PLCG2: variants seen among roughly 807,000 people sequenced by gnomAD.
The protein encoded by PLCG2 is 1-phosphatidylinositol 4,5-bisphosphate phosphodiesterase gamma-2.
In PLCG2, 69 loss-of-function variants were observed where a neutral mutation model predicts 175.6. That is an observed-to-expected ratio of 0.39 (90% CI 0.32 to 0.48). PLCG2 has a LOEUF of 0.48. Ranked by LOEUF, PLCG2 falls within the 20% of genes least tolerant of loss-of-function variation. The pLI is 0.91. For missense variants in PLCG2, 1,798 were observed against 1,650.9 expected, an observed-to-expected ratio of 1.09 and a Z score of -1.54; for synonymous variants, 827 against 624.0, an observed-to-expected ratio of 1.33 and a Z score of -4.85.
chr16:81,807,903 A>C (rs1904288997), intron 2 of PLCG2, among the ~76,000 whole-genome samples: 1 of 152,162 alleles, frequency 6.6e-6, no homozygotes, highest in South Asian at 2.1e-4. Context: ...AACTCACTGA[A>C]TATTGCAAGG....
intron 2 of PLCG2, among the ~76,000 whole-genome samples, chr16:81,756,637 G>A (rs1182485207): frequency 6.6e-6 from 1 of 152,184 alleles, no homozygotes; most frequent in Non-Finnish European, 1.5e-5. Context: ...GAGGTACCAG[G>A]TCCCAAGTGA....
chr16:81,825,584 C>G (rs960306079), intron 2 of PLCG2, among the ~76,000 whole-genome samples: 2 of 151,988 alleles, frequency 1.3e-5, no homozygotes, highest in East Asian at 1.9e-4. Flanking sequence ...CGTGAGCCAC[C>G]GCGCCCAGCC....
intron 31 of PLCG2, among the ~76,000 whole-genome samples, chr16:81,949,515 C>T (rs151180912): frequency 1.3e-5 from 2 of 152,192 alleles, no homozygotes; most frequent in East Asian, 1.9e-4. Flanking sequence ...GTGTCCAGCC[C>T]CCGACATGTC....
At chr16:81,739,890 C>T (rs1013416151) in intron 1 of PLCG2, among the ~76,000 whole-genome samples, 4 of 152,310 alleles carry the variant, frequency 2.6e-5, no homozygotes, top group Non-Finnish European at 5.9e-5. Flanking sequence ...GTAATCCCAG[C>T]GCTTTGGGAG....
At chr16:81,780,269 G>T (rs982657698) in intron 1 of PLCG2, among the ~76,000 whole-genome samples, 6 of 152,178 alleles carry the variant, frequency 3.9e-5, no homozygotes, top group Admixed American at 3.9e-4. Flanking sequence ...ACCTTTTTGA[G>T]TCTGTTTCCC....
chr16:81,901,136 C>G (rs1166363337), intron 14 of PLCG2, among the ~76,000 whole-genome samples: 1 of 152,126 alleles, frequency 6.6e-6, no homozygotes, highest in African/African-American at 2.4e-5. Flanking sequence ...GTGAACCTTC[C>G]CCATCCTCTC....
At chr16:81,797,507 T>A (rs1361254960) in intron 2 of PLCG2, among the ~76,000 whole-genome samples, 2 of 152,318 alleles carry the variant, frequency 1.3e-5, no homozygotes, top group Non-Finnish European at 2.9e-5. Flanking sequence ...ACCCACAGAC[T>A]AAGAGTGCTG....
At chr16:81,910,798 T>G in intron 18 of PLCG2, 78 bp downstream of exon 18, 1 of 1,371,272 alleles carries the variant, frequency 7.3e-7, no homozygotes, top group Non-Finnish European at 1.0e-6. Context: ...GCCTGGTGGT[T>G]CAGCCGGGCC....
intron 9 of PLCG2, among the ~76,000 whole-genome samples, chr16:81,888,857 A>G (rs1908497722): frequency 6.6e-6 from 1 of 152,252 alleles, no homozygotes; most frequent in African/African-American, 2.4e-5. Context: ...TTGTTGGAAT[A>G]CAACCATGCC....
At chr16:81,758,343 T>A (rs1205082010) in intron 2 of PLCG2, among the ~76,000 whole-genome samples, 1 of 152,236 alleles carries the variant, frequency 6.6e-6, no homozygotes, top group African/African-American at 2.4e-5. Context: ...CGTTTCTTTT[T>A]ATTGCTGAGT....
intron 15 of PLCG2, 64 bp from the exon 16 acceptor site, chr16:81,907,621 C>G: frequency 1.7e-6 from 2 of 1,178,402 alleles, no homozygotes; most frequent in Middle Eastern, 1.9e-4. Context: ...CTGCAGGGCT[C>G]CTGGGCTCCA....
chr16:81,748,770 G>A (rs764425866), intron 1 of PLCG2, among the ~76,000 whole-genome samples: 1 of 152,230 alleles, frequency 6.6e-6, no homozygotes, highest in Non-Finnish European at 1.5e-5. Flanking sequence ...AGGAAAGCCA[G>A]TGACTTTCAT....
Position 81,958,311 on chromosome 16 carries a change from T to C in PLCG2, c.*313T>C. ...AAACCTTGATCAATTAAGCCTTCTGTTGCACGACCTGTGCAGTGAACAGGA... is the reference window on the plus strand; with the variant it reads ...AAACCTTGATCAATTAAGCCTTCTGCTGCACGACCTGTGCAGTGAACAGGA... On this transcript the variant is annotated 3_prime_UTR_variant, in exon 33 of 33. Coordinates refer to ENST00000564138, the MANE Select transcript of PLCG2 (RefSeq NM_002661.5). 2.6e-6 allele frequency: 1 copy of C among 381,214 alleles called. No homozygotes were observed. The highest frequency in any genetic ancestry group is 4.8e-6 in the Non-Finnish European group (1 of 209,042). 23.6% of individuals were successfully genotyped at this position (381,214 alleles called of 1,614,324 possible).
Position 81,858,387 on chromosome 16 carries a change from G to A in PLCG2, c.431+31G>A, listed in dbSNP as rs546204341. 7.5e-6 allele frequency: 11 copies of A among 1,471,408 alleles called. No individual in the cohort carries two copies. In the African/African-American group the frequency reaches 1.5e-4, roughly 20 times the overall value. 91.1% of individuals were successfully genotyped at this position (1,471,408 alleles called of 1,614,324 possible). ...TGGCTTTTGCCTGTTGATTTGCGTA[G>A]TTGCTGATTCCTTTATTCTGCTGCC... On this transcript the variant is annotated intron_variant, in intron 4 of 32. Transcript: ENST00000564138.
At chr16:81,825,396 C>T (rs913434629) in intron 2 of PLCG2, among the ~76,000 whole-genome samples, 1 of 148,656 alleles carries the variant, frequency 6.7e-6, no homozygotes, top group African/African-American at 2.5e-5. Flanking sequence ...TCAAGCCATT[C>T]TCTTGCTTCA....
At chr16:81,933,261 A>C (rs1016041545) in intron 25 of PLCG2, among the ~76,000 whole-genome samples, 1 of 152,198 alleles carries the variant, frequency 6.6e-6, no homozygotes, top group Non-Finnish European at 1.5e-5. Flanking sequence ...AGTAGAGTTG[A>C]CGGAGTTCCC....
intron 31 of PLCG2, among the ~76,000 whole-genome samples, chr16:81,956,398 A>G (rs549375111): frequency 6.6e-6 from 1 of 152,308 alleles, no homozygotes; most frequent in African/African-American, 2.4e-5. Flanking sequence ...AGACCAAAGG[A>G]AAACCGGGTT....
intron 1 of PLCG2, among the ~76,000 whole-genome samples, chr16:81,740,062 T>A (rs1909552659): frequency 7.5e-6 from 1 of 132,882 alleles, no homozygotes; most frequent in Non-Finnish European, 1.5e-5. Context: ...CACTTGAGCC[T>A]GGGAGGTGGG....
rs377206776 is a variant in PLCG2 at position 81,788,459 on chromosome 16, T to G, written c.193+2277T>G. Among the ~76,000 whole-genome samples the G allele has an allele frequency of 2.8e-4, 43 of 152,242 alleles. No individual in the cohort carries two copies. In the South Asian group the frequency reaches 8.7e-3, roughly 31 times the overall value. The stretch of plus-strand genomic sequence containing the variant: ...CCACGCCCGGCTAATTTTTTGTATT[T>G]TTAGTAGAGACGGGGTCTCACTGTG... On this transcript the variant is annotated intron_variant, in intron 2 of 32. Coordinates refer to ENST00000564138, the MANE Select transcript of PLCG2 (RefSeq NM_002661.5).
Sources: gnomAD v4.1 joint callset for allele counts (sites outside exome capture counted in the v4.1 genomes callset) on GRCh38, gnomAD v4.1.1 for gene constraint, MANE v1.5 for transcripts, NCBI Gene and HGNC (gene_info 2026-07-23, HGNC 2026-07-21) for gene names.